TESK2: variants seen among roughly 807,000 people sequenced by gnomAD.
TESK2 encodes the protein testis associated actin remodelling kinase 2.
A neutral mutation model predicts 57.1 loss-of-function variants in TESK2; 39 were observed. That is an observed-to-expected ratio of 0.68 (90% CI 0.53 to 0.89). The LOEUF (loss-of-function observed/expected upper bound fraction) is 0.89, where lower values mean the gene tolerates loss of function less well. TESK2 is among the 40% of genes least tolerant of loss of function. The pLI is 0.00. For missense variants in TESK2, 646 were observed against 732.1 expected (o/e 0.88, Z 1.36); for synonymous variants, 249 against 267.9 (o/e 0.93, Z 0.69).
chr1:45,440,955 G>A (rs1052509228), intron 2 of TESK2, among the ~76,000 whole-genome samples: 1 of 152,126 alleles, frequency 6.6e-6, no homozygotes, highest in Non-Finnish European at 1.5e-5. Flanking sequence ...ACCACATAAA[G>A]TTAGTAGCAG....
At chr1:45,485,228 G>A (rs1162096093) in intron 1 of TESK2, among the ~76,000 whole-genome samples, 3 of 148,304 alleles carry the variant, frequency 2.0e-5, no homozygotes, top group Non-Finnish European at 4.5e-5. Flanking sequence ...TCGCTCTGTC[G>A]CCCACGCTGG....
chr1:45,446,234 C>T (rs1007859), intron 2 of TESK2, among the ~76,000 whole-genome samples: 30,669 of 149,978 alleles, frequency 0.2, 3,432 homozygotes, highest in Non-Finnish European at 0.26. Flanking sequence ...CCAAGGTAGG[C>T]GGATCACTTG....
At chr1:45,429,623 T>C (rs905418377) in intron 2 of TESK2, among the ~76,000 whole-genome samples, 24 of 152,156 alleles carry the variant, frequency 1.6e-4, no homozygotes, top group Non-Finnish European at 5.9e-5. Context: ...CACTAGGCTT[T>C]AACAGACGAG....
At chr1:45,490,044 G>C (rs1395430397) in intron 1 of TESK2, among the ~76,000 whole-genome samples, 2 of 152,024 alleles carry the variant, frequency 1.3e-5, no homozygotes, top group African/African-American at 4.8e-5. Flanking sequence ...ATTCCCTCCC[G>C]CCTGGATGAG....
At chr1:45,396,527 T>C (rs976610050) in intron 3 of TESK2, among the ~76,000 whole-genome samples, 2 of 152,110 alleles carry the variant, frequency 1.3e-5, no homozygotes, top group Admixed American at 1.3e-4. Flanking sequence ...CTCACTCTGT[T>C]GCCCACGCTG....
chr1:45,416,158 C>G (rs1460530513), intron 3 of TESK2, among the ~76,000 whole-genome samples: 2 of 132,782 alleles, frequency 1.5e-5, no homozygotes, highest in East Asian at 5.2e-4. Flanking sequence ...TCTCAGCTCA[C>G]TACAAGTTCT....
At chr1:45,467,580 T>C (rs932388194) in intron 1 of TESK2, among the ~76,000 whole-genome samples, 1 of 152,122 alleles carries the variant, frequency 6.6e-6, no homozygotes, top group African/African-American at 2.4e-5. Flanking sequence ...TCCGCCCGCC[T>C]TGGCCTCCCA....
At chr1:45,415,437 TA>T (rs1650200595) in intron 3 of TESK2, 2 of 663,480 alleles carry the variant, frequency 3.0e-6, no homozygotes, top group Admixed American at 4.7e-5. Flanking sequence ...CAATATCCCA[TA>T]ATCTTTGTGC....
chr1:45,481,257 C>CG (rs1653210735), intron 1 of TESK2, among the ~76,000 whole-genome samples: 1 of 151,746 alleles, frequency 6.6e-6, no homozygotes, highest in South Asian at 2.1e-4. Flanking sequence ...CCCAGCTACT[C>CG]GGGAGGCTGA....
At chr1:45,462,541 A>T (rs911182481) in intron 1 of TESK2, among the ~76,000 whole-genome samples, 11 of 152,086 alleles carry the variant, frequency 7.2e-5, no homozygotes, top group African/African-American at 2.7e-4. Flanking sequence ...CAAAGTGCTG[A>T]GATTACAGGC....
Position 45,475,238 on chromosome 1 carries a change from G to A in TESK2, c.-87+15614C>T, listed in dbSNP as rs558324984. ...TTTTTTTTTTTTTTTTTTGAGTCTC[G>A]TTCTGTTGCCCAGGATGGAGTGCAG... On this transcript the variant is annotated intron_variant, in intron 1 of 10. Transcript: ENST00000372086. Among the ~76,000 whole-genome samples, 571 of 94,688 alleles carry A rather than the reference G, an allele frequency of 6.0e-3. 4 individuals carry two copies. Among genetic ancestry groups the A allele is most frequent in the African/African-American group, 0.021 (540 of 25,574 alleles). 62.1% of individuals were successfully genotyped at this position (94,688 alleles called of 152,430 possible). A position where few individuals can be genotyped will look rare whatever the true frequency, so the allele number is the denominator to read the frequency against.
chr1:45,454,928 A>G (rs910155081), intron 2 of TESK2, among the ~76,000 whole-genome samples: 1 of 152,182 alleles, frequency 6.6e-6, no homozygotes, highest in East Asian at 1.9e-4. Context: ...CACTTATATA[A>G]GGTACCTAGA....
chr1:45,454,418 ATTTTTTAT>A (rs2149298803), intron 2 of TESK2, among the ~76,000 whole-genome samples: 1 of 151,850 alleles, frequency 6.6e-6, no homozygotes, highest in East Asian at 1.9e-4. Flanking sequence ...AAAAAGATTT[ATTTTTTAT>A]TTTTTTATTA....
intron 1 of TESK2, among the ~76,000 whole-genome samples, chr1:45,481,316 G>T (rs567098122): frequency 1.3e-5 from 2 of 152,158 alleles, no homozygotes; most frequent in African/African-American, 4.8e-5. Context: ...AGTGAGCCAA[G>T]ATTGCGCCAC....
rs570768512 is a variant in TESK2 at position 45,392,395 on chromosome 1, G to A, written c.345-6435C>T. On this transcript the variant is annotated intron_variant, in intron 3 of 10. Transcript: ENST00000372086. ...GCTGGGATTACAGGCATAAGCCACCGTGCTTGGCCTATTTGAATATTTTTT... is the reference window on the plus strand; with the variant it reads ...GCTGGGATTACAGGCATAAGCCACCATGCTTGGCCTATTTGAATATTTTTT... Among the ~76,000 whole-genome samples, 11 of 150,584 alleles carry A rather than the reference G, an allele frequency of 7.3e-5. No homozygotes were observed. In the South Asian group the frequency reaches 1.5e-3, roughly 21 times the overall value.
chr1:45,348,516 A>G (rs1033695270), intron 5 of TESK2, among the ~76,000 whole-genome samples: 3 of 152,190 alleles, frequency 2.0e-5, no homozygotes, highest in Admixed American at 6.5e-5. Flanking sequence ...TTAAAAGTCT[A>G]TGATCTGGCT....
At chr1:45,401,319 C>T (rs1441216908) in intron 3 of TESK2, among the ~76,000 whole-genome samples, 2 of 151,884 alleles carry the variant, frequency 1.3e-5, no homozygotes, top group East Asian at 3.9e-4. Context: ...ATTGCTTGAA[C>T]TTGGGAGGCG....
intron 2 of TESK2, among the ~76,000 whole-genome samples, chr1:45,430,397 G>A (rs1016345543): frequency 5.9e-5 from 9 of 151,954 alleles, no homozygotes; most frequent in Admixed American, 5.9e-4. Flanking sequence ...AGGCTGAGGT[G>A]GGAGGATCGC....
At chr1:45,481,890 C>A (rs938852721) in intron 1 of TESK2, among the ~76,000 whole-genome samples, 1 of 152,126 alleles carries the variant, frequency 6.6e-6, no homozygotes, top group Non-Finnish European at 1.5e-5. Flanking sequence ...TCATAGTCAA[C>A]AGTAAACAAA....
Sources: gnomAD v4.1 joint callset for allele counts (sites outside exome capture counted in the v4.1 genomes callset) on GRCh38, gnomAD v4.1.1 for gene constraint, MANE v1.5 for transcripts, NCBI Gene and HGNC (gene_info 2026-07-23, HGNC 2026-07-21) for gene names.